ZNG1A: variants seen among roughly 807,000 people sequenced by gnomAD.
ZNG1A encodes zinc-regulated GTPase metalloprotein activator 1A.
the ZNG1A span, chr9:161,614 T>A: frequency 7.8e-7 from 1 of 1,286,538 alleles, no homozygotes; most frequent in East Asian, 5.5e-5. Flanking sequence ...GGTCAGTGGG[T>A]GGGATGATTT....
At chr9:154,842 A>T in the ZNG1A span, 1 of 1,389,792 alleles carries the variant, frequency 7.2e-7, no homozygotes, top group Non-Finnish European at 9.9e-7. Context: ...AATAATATAC[A>T]CGCATGCAGA....
At chr9:145,181 G>T in the ZNG1A span, among the ~76,000 whole-genome samples, 1 of 151,450 alleles carries the variant, frequency 6.6e-6, no homozygotes, top group South Asian at 2.1e-4. Flanking sequence ...ATTTGACCCA[G>T]CCATCCCATT....
At chr9:131,333 G>C in the ZNG1A span, among the ~76,000 whole-genome samples, 5 of 147,764 alleles carry the variant, frequency 3.4e-5, 1 homozygote, top group African/African-American at 1.3e-4. Flanking sequence ...AACTTACTCA[G>C]GTTTGTTTAT....
the ZNG1A span, among the ~76,000 whole-genome samples, chr9:158,784 T>C: frequency 6.6e-6 from 1 of 151,688 alleles, no homozygotes; most frequent in Admixed American, 6.6e-5. Context: ...TCATATACCA[T>C]TATAGCAGAA....
the ZNG1A span, chr9:161,613 G>A: frequency 7.8e-6 from 10 of 1,286,536 alleles, no homozygotes; most frequent in Admixed American, 4.6e-5. Flanking sequence ...GGGTCAGTGG[G>A]TGGGATGATT....
chr9:161,603 G>C, the ZNG1A span: 13 of 1,286,478 alleles, frequency 1.0e-5, no homozygotes, highest in South Asian at 1.1e-4. Flanking sequence ...GATTGGGAAC[G>C]GGTCAGTGGG....
At chr9:154,172 T>G in the ZNG1A span, 2 of 154,678 alleles carry the variant, frequency 1.3e-5, no homozygotes, top group African/African-American at 4.9e-5. Context: ...AAGGCATGGT[T>G]GACAGTTAAG....
the ZNG1A span, chr9:172,032 C>A: frequency 3.1e-6 from 5 of 1,608,600 alleles, no homozygotes; most frequent in Non-Finnish European, 4.2e-6. Flanking sequence ...CATCTATTTA[C>A]AATATATCAC....
chr9:165,261 A>G, the ZNG1A span, among the ~76,000 whole-genome samples: 1 of 151,870 alleles, frequency 6.6e-6, no homozygotes, highest in Non-Finnish European at 1.5e-5. Context: ...AAAAAGCATG[A>G]ATTTTTTCAC....
chr9:146,111 G>A, the ZNG1A span: 3 of 1,563,338 alleles, frequency 1.9e-6, no homozygotes, highest in Admixed American at 3.6e-5. Flanking sequence ...CCTTATTCCA[G>A]AGAGACTATC....
At chr9:142,144 A>G in the ZNG1A span, among the ~76,000 whole-genome samples, 37,181 of 142,354 alleles carry the variant, frequency 0.26, 5,784 homozygotes, top group East Asian at 0.4. Context: ...GAGACAGAAA[A>G]CCAACAAGCA....
the ZNG1A span, among the ~76,000 whole-genome samples, chr9:177,512 G>C: frequency 1.3e-5 from 2 of 151,576 alleles, no homozygotes; most frequent in African/African-American, 2.4e-5. Flanking sequence ...TGGACAAAGG[G>C]GGAAGGAGGA....
the ZNG1A span, among the ~76,000 whole-genome samples, chr9:176,823 G>A: frequency 6.6e-6 from 1 of 150,580 alleles, no homozygotes; most frequent in African/African-American, 2.5e-5. Context: ...ATTTACTAGG[G>A]CTTTTTAACC....
chr9:137,030 ACT>A, the ZNG1A span, among the ~76,000 whole-genome samples: 4 of 127,908 alleles, frequency 3.1e-5, no homozygotes, highest in Admixed American at 2.5e-4. Context: ...TCAGAGTGAG[ACT>A]CTGTCTCAAT....
At chr9:146,142 C>T in the ZNG1A span, 1 of 1,567,208 alleles carries the variant, frequency 6.4e-7, no homozygotes, top group Admixed American at 1.8e-5. Context: ...AGATCTAATA[C>T]ATTAGAGAGA....
the ZNG1A span, among the ~76,000 whole-genome samples, chr9:158,455 T>G: frequency 3.3e-5 from 5 of 150,928 alleles, no homozygotes; most frequent in Non-Finnish European, 5.9e-5. Flanking sequence ...TATGAAAGCT[T>G]TTTTAACGTA....
chr9:172,141 T>A, the ZNG1A span: 4 of 1,611,318 alleles, frequency 2.5e-6, no homozygotes, highest in Non-Finnish European at 3.4e-6. Context: ...TTCTTTTGCA[T>A]CAAATTCTCA....
At chr9:147,680 A>AAG in the ZNG1A span, 4 of 149,292 alleles carry the variant, frequency 2.7e-5, no homozygotes, top group Non-Finnish European at 4.4e-5. Context: ...TAAAAGGCCA[A>AAG]AGTCTTAATA....
the ZNG1A span, among the ~76,000 whole-genome samples, chr9:178,500 C>T: frequency 1.8e-5 from 2 of 109,372 alleles, no homozygotes; most frequent in African/African-American, 5.4e-5. Flanking sequence ...GGTAGATGAG[C>T]GTCAGGAAGG....
Sources: gnomAD v4.1 joint callset for allele counts (sites outside exome capture counted in the v4.1 genomes callset) on GRCh38, gnomAD v4.1.1 for gene constraint, MANE v1.5 for transcripts, NCBI Gene and HGNC (gene_info 2026-07-23, HGNC 2026-07-21) for gene names.